SH3TC1: variants seen among roughly 807,000 people sequenced by gnomAD.
SH3TC1 encodes the protein SH3 domain and tetratricopeptide repeats 1.
A neutral mutation model predicts 117.3 loss-of-function variants in SH3TC1; 135 were observed. That is an observed-to-expected ratio of 1.15 (90% CI 1.00 to 1.33). SH3TC1 has a LOEUF of 1.33. Among genes scored for constraint, SH3TC1 ranks in the 40% most tolerant of loss-of-function variants. The pLI, the probability that SH3TC1 is intolerant of heterozygous loss-of-function variation, is 0.00. For missense variants in SH3TC1, 2,092 were observed against 1,794.3 expected (o/e 1.17, Z -3.00); for synonymous variants, 898 against 816.9 (o/e 1.10, Z -1.69).
intron 15 of SH3TC1, 141 bp downstream of exon 15, chr4:8,235,696 G>C (rs193036743): frequency 4.9e-6 from 6 of 1,221,606 alleles, no homozygotes; most frequent in African/African-American, 1.5e-5. Context: ...TGGTTTCACC[G>C]GGAATGATAT....
At chr4:8,228,974 C>T (rs147693302) in intron 12 of SH3TC1, among the ~76,000 whole-genome samples, 141 of 152,308 alleles carry the variant, frequency 9.3e-4, no homozygotes, top group Non-Finnish European at 1.8e-3. Flanking sequence ...AGGCAGGCTC[C>T]GCTGAGCTGG....
chr4:8,211,534 C>T (rs1256386871), intron 3 of SH3TC1, among the ~76,000 whole-genome samples: 2 of 114,608 alleles, frequency 1.7e-5, no homozygotes, highest in African/African-American at 3.2e-5. Flanking sequence ...TTCTACTCCT[C>T]ATTCTCTTCC....
chr4:8,222,805 A>G (rs1002106172), intron 9 of SH3TC1, 35 bp from the exon 10 acceptor site: 2 of 1,597,580 alleles, frequency 1.3e-6, no homozygotes, highest in South Asian at 2.2e-5. Flanking sequence ...CTTTGCAAAT[A>G]TGTTGTTTTG....
At chr4:8,233,750 TC>T (rs937786588) in intron 14 of SH3TC1, among the ~76,000 whole-genome samples, 4 of 53,214 alleles carry the variant, frequency 7.5e-5, no homozygotes, top group Non-Finnish European at 1.2e-4. Context: ...CATCCATCCA[TC>T]CATCCATCAT....
chr4:8,225,259 G>A lies in SH3TC1; in HGVS notation c.1285+43G>A, dbSNP rs1443337969. 6 of 1,597,794 alleles carry A rather than the reference G, an allele frequency of 3.8e-6. No individual in the cohort carries two copies. The highest frequency in any genetic ancestry group is 3.5e-5 in the Admixed American group (2 of 57,494). ...CTCAGGCTTCCTCTGGTTATGAGCT[G>A]GGCCTTGGGGTAACGCTGGGGGAGG... On this transcript the variant is annotated intron_variant, in intron 11 of 17. Transcript: ENST00000245105. The surrounding 1 kb of genome is among the most constrained non-coding windows in gnomAD (Gnocchi z 5.5).
chr4:8,218,402 G>A lies in SH3TC1; in HGVS notation c.916+55G>A, dbSNP rs1719533489. On this transcript the variant is annotated intron_variant, in intron 8 of 17. Coordinates refer to ENST00000245105, the MANE Select transcript of SH3TC1 (RefSeq NM_018986.5). The stretch of plus-strand genomic sequence containing the variant: ...GGGGAAATGTGTGTGCTAGGGAGCA[G>A]CACCAACATTTTGGAAGTTGCCCTA... 8.1e-6 allele frequency: 11 copies of A among 1,363,850 alleles called. No homozygotes were observed. In the South Asian group the frequency reaches 1.1e-4, roughly 14 times the overall value. The allele number at this position is 1,363,850 out of a possible 1,614,324, so 84.5% of individuals were successfully genotyped here.
chr4:8,232,313 T>C, intron 13 of SH3TC1, 157 bp downstream of exon 13: 2 of 1,479,832 alleles, frequency 1.4e-6, no homozygotes, highest in Non-Finnish European at 1.8e-6. Context: ...GGGCCTGGGG[T>C]TGTCCCAGGG....
At chr4:8,195,058 C>T (rs950966268), upstream of SH3TC1, among the ~76,000 whole-genome samples, 6 of 152,096 alleles carry the variant, frequency 3.9e-5, no homozygotes, top group African/African-American at 1.4e-4. Flanking sequence ...ATCAGTCCAG[C>T]GGGCATCAGG....
rs1404958818 is a variant in SH3TC1, at chr4:8,183,310, C to T, written c.-57+1100C>T. 6.6e-6 allele frequency among the ~76,000 whole-genome samples: 1 copy of T among 152,198 alleles called. No individual in the cohort carries two copies. ...TGGCTGAGGACCACGGCAGGTCACG[C>T]CTGGGGCTAGGATGCCCTTCCAAAG... On this transcript the variant is annotated intron_variant, in intron 1 of 16. Transcript: ENST00000508641. The surrounding 1 kb of genome is among the most constrained non-coding windows in gnomAD (Gnocchi z 5.4).
chr4:8,217,412 G>A (rs1210295328), intron 7 of SH3TC1, among the ~76,000 whole-genome samples: 3 of 152,258 alleles, frequency 2.0e-5, no homozygotes, highest in East Asian at 3.8e-4. Flanking sequence ...CCTGGGGTTC[G>A]CTGGCACAGG....
intron 1 of SH3TC1, among the ~76,000 whole-genome samples, chr4:8,201,222 A>G (rs574684259): frequency 1.7e-4 from 26 of 152,096 alleles, no homozygotes; most frequent in Admixed American, 2.6e-4. Flanking sequence ...TCCAACCCAC[A>G]TTCACCAAAC....
intron 17 of SH3TC1, among the ~76,000 whole-genome samples, chr4:8,239,266 G>C (rs1226506280): frequency 4.7e-5 from 7 of 148,760 alleles, no homozygotes; most frequent in Non-Finnish European, 7.5e-5. Flanking sequence ...CACACACACA[G>C]AGACACATGC....
In SH3TC1 at chr4:8,219,500, G is replaced by A. The variant is rs1269905306; in HGVS notation, c.1082G>A (p.Ser361Asn). ...GGCCGGGTGGGGTTTGTGCGGAGCA[G>A]CCTCATCAGCATGCAGGGCCCCGTG... ...ASGRVGFVRS[S>N]LISMQGPVSE... Residue 361 changes from serine (S) to asparagine (N), a missense_variant, in exon 9 of 18, where the codon AGC (serine) becomes AAC (asparagine). By Grantham distance (46) the Ser-to-Asn change is conservative (BLOSUM62 1). Transcript: ENST00000245105. 1 of 1,586,396 alleles carries A rather than the reference G, an allele frequency of 6.3e-7. No individual in the cohort carries two copies. Among genetic ancestry groups the A allele is most frequent in the South Asian group, 1.1e-5 (1 of 89,224 alleles).
intron 8 of SH3TC1, among the ~76,000 whole-genome samples, chr4:8,218,808 T>C (rs1294337183): frequency 6.6e-6 from 1 of 152,234 alleles, no homozygotes; most frequent in Non-Finnish European, 1.5e-5. Flanking sequence ...GTCCTCTTTA[T>C]GAAAAGCTGG....
rs766452305 is a variant in SH3TC1 at position 8,190,055 on chromosome 4, G to A, written c.-57+7845G>A. Among the ~76,000 whole-genome samples the A allele has an allele frequency of 7.9e-5, 12 of 152,222 alleles. No individual in the cohort carries two copies. Among genetic ancestry groups the A allele is most frequent in the Non-Finnish European group, 1.5e-4 (10 of 68,032 alleles). On this transcript the variant is annotated intron_variant, in intron 1 of 16. Coordinates refer to the SH3TC1 transcript ENST00000508641. This position sits in a 1 kb window ranked among gnomAD's most constrained non-coding sequence, Gnocchi z 4.7. ...GCGTGGGTGCGTTGATGCGAGGCCA[G>A]GAAGTAGGGCCTGGAAAGTAGCACT...
chr4:8,216,388 G>T, intron 6 of SH3TC1, 131 bp downstream of exon 6: 1 of 1,356,498 alleles, frequency 7.4e-7, no homozygotes. Context: ...GGAGGCTGAG[G>T]GGTGCTTCAG....
In SH3TC1 at chr4:8,237,530, C is replaced by T; in HGVS notation, c.3613C>T (p.Leu1205=). The change falls in exon 17 of 18, where the codon CTG becomes TTG. Residue 1205 remains leucine (L), a synonymous_variant. Coordinates refer to ENST00000245105, the MANE Select transcript of SH3TC1 (RefSeq NM_018986.5). ...YHRLAALQHR[L]GHGELAEHFY... is the part of the protein sequence containing the mutation. ...CCGGCTGGCCGCCCTGCAACACCGA[C>T]TGGGCCATGGCGAGCTGGCAGAGCA... is the stretch of plus-strand genomic sequence containing the variant. 1 of 1,608,896 alleles carries T rather than the reference C, an allele frequency of 6.2e-7. No individual in the cohort carries two copies. The highest frequency in any genetic ancestry group is 2.2e-5 in the East Asian group (1 of 44,666).
At chr4:8,214,108 G>A (rs1486041728) in intron 4 of SH3TC1, among the ~76,000 whole-genome samples, 1 of 152,108 alleles carries the variant, frequency 6.6e-6, no homozygotes, top group Admixed American at 6.5e-5. Context: ...TGGGGCTGGG[G>A]CCACTCAGGG....
chr4:8,182,395 G>C (rs928848443), intron 1 of SH3TC1, among the ~76,000 whole-genome samples: 2 of 152,174 alleles, frequency 1.3e-5, no homozygotes, highest in African/African-American at 4.8e-5. Context: ...GTGCTGCCTC[G>C]AATGGGGTTT....
Sources: allele counts gnomAD v4.1 joint callset (sites outside exome capture counted in the v4.1 genomes callset), GRCh38; gene constraint gnomAD v4.1.1; non-coding constraint Gnocchi (gnomAD v3.1); transcripts MANE v1.5; gene names NCBI Gene and HGNC (gene_info 2026-07-23, HGNC 2026-07-21).